HMCN2: variants seen among roughly 807,000 people sequenced by gnomAD.
HMCN2 encodes the protein hemicentin-2.
HMCN2 carries 325 observed loss-of-function variants against 377.5 expected under a neutral mutation model. That is an observed-to-expected ratio of 0.86 (90% CI 0.79 to 0.94). HMCN2 has a LOEUF of 0.94. Ranked by LOEUF, HMCN2 falls within the 40% of genes least tolerant of loss-of-function variation. The pLI, the probability that HMCN2 is intolerant of heterozygous loss-of-function variation, is 0.00. For synonymous variants in HMCN2, 2,007 were observed against 2,046.8 expected, an observed-to-expected ratio of 0.98 and a Z score of 0.53; for missense variants, 4,543 against 4,725.3, an observed-to-expected ratio of 0.96 and a Z score of 1.13.
intron 23 of HMCN2, among the ~76,000 whole-genome samples, chr9:130,339,009 C>T (rs1838908515): frequency 6.6e-6 from 1 of 151,066 alleles, no homozygotes; most frequent in Admixed American, 6.6e-5. Context: ...GGCAGCATAG[C>T]AAGACCCCAT....
At chr9:130,310,165 G>A (rs1407283243) in intron 15 of HMCN2, 104 bp downstream of exon 15, 1 of 348,000 alleles carries the variant, frequency 2.9e-6, no homozygotes, top group African/African-American at 2.2e-5. Flanking sequence ...AGTGGCCAGT[G>A]TAGATGGCAT....
chr9:130,388,481 G>A lies in HMCN2; in HGVS notation c.9464G>A (p.Cys3155Tyr). 1.0e-6 allele frequency: 1 copy of A among 988,076 alleles called. No homozygotes were observed. Among genetic ancestry groups the A allele is most frequent in the Non-Finnish European group, 1.2e-6 (1 of 830,128 alleles). 61.2% of individuals were successfully genotyped at this position (988,076 alleles called of 1,614,324 possible). A position where few individuals can be genotyped will look rare whatever the true frequency, so the allele number is the denominator to read the frequency against. ...QVAGSPLVLT[C>Y]DVSGVPAPTV... ...GCTGGGAGCCCCCTGGTCCTGACCT[G>A]TGATGTGTCCGGGGTCCCTGCACCC... is the stretch of plus-strand genomic sequence containing the variant. Residue 3155 changes from cysteine to tyrosine, a missense_variant, in exon 62 of 98, where the codon TGT (cysteine) becomes TAT (tyrosine). Physicochemically the swap from Cys to Tyr is radical, Grantham distance 194. This residue lies in a region of HMCN2 where 736 missense variants were observed against 773.2 expected (regional missense o/e 0.95). Transcript: ENST00000683500.
intron 15 of HMCN2, among the ~76,000 whole-genome samples, chr9:130,315,545 G>C (rs1224180723): frequency 6.6e-6 from 1 of 150,756 alleles, no homozygotes; most frequent in African/African-American, 2.4e-5. Context: ...GAGGCTGGAG[G>C]CAGCAGCCAC....
intron 14 of HMCN2, among the ~76,000 whole-genome samples, chr9:130,309,161 G>T (rs187372336): frequency 1.3e-5 from 2 of 152,226 alleles, no homozygotes; most frequent in Admixed American, 1.3e-4. Context: ...TTAAAAGGGC[G>T]GTTAGAATCA....
Position 130,422,657 on chromosome 9 carries a change from G to A in HMCN2, c.13312G>A (p.Val4438Met), listed in dbSNP as rs571932457. Reference sequence around the variant, plus strand: ...TGGCGTGGCCACACTCAACACCAGCGTGATGCAGGAGGCACACTCCGGGGT... The same window carrying A: ...TGGCGTGGCCACACTCAACACCAGCATGATGCAGGAGGCACACTCCGGGGT... ...KFGVATLNTS[V>M]MQEAHSGVSS... The change falls in exon 87 of 98, where the codon GTG (valine) becomes ATG (methionine). Residue 4438 changes from valine (V) to methionine (M), a missense_variant. This residue lies in a region of HMCN2 where 1,155 missense variants were observed against 1,157.7 expected (regional missense o/e 1.00). Coordinates refer to ENST00000683500, the MANE Select transcript of HMCN2 (RefSeq NM_001291815.2). The surrounding 1 kb of genome is among the most constrained non-coding windows in gnomAD (Gnocchi z 4.2). 2.6e-5 allele frequency: 35 copies of A among 1,323,888 alleles called. No individual in the cohort carries two copies. The South Asian group carries it at 6.2e-4, about 24-fold the overall frequency. 82.0% of individuals were successfully genotyped at this position (1,323,888 alleles called of 1,614,324 possible).
chr9:130,294,341 A>G (rs1361702217), intron 4 of HMCN2, among the ~76,000 whole-genome samples: 3 of 152,204 alleles, frequency 2.0e-5, no homozygotes, highest in African/African-American at 7.2e-5. Context: ...TATTGCAAAA[A>G]TCCATCCAGC....
intron 71 of HMCN2, 56 bp from the exon 72 acceptor site, chr9:130,395,868 G>A: frequency 1.6e-6 from 2 of 1,242,320 alleles, no homozygotes; most frequent in Non-Finnish European, 2.1e-6. Flanking sequence ...GCTGCCGGGT[G>A]GCCTGACGCA....
In HMCN2 at chr9:130,296,799, A is replaced by C. The variant is rs782304586; in HGVS notation, c.1012+5A>C. On this transcript the variant is annotated splice_donor_5th_base_variant and intron_variant, in intron 7 of 97. Transcript: ENST00000683500. ...CCCTCGAGTGGCCCTTGCAAGGTAC[A>C]GTACCCCGACCCTACAGACAGTGCT... 1.1e-5 allele frequency: 5 copies of C among 471,112 alleles called. No homozygotes were observed. Among genetic ancestry groups the C allele is most frequent in the South Asian group, 7.7e-5 (5 of 64,556 alleles). The allele number at this position is 471,112 out of a possible 1,614,324, so 29.2% of individuals were successfully genotyped here.
At chr9:130,344,358 ATGTGGTG>A (rs1170898838) in intron 25 of HMCN2, among the ~76,000 whole-genome samples, 5 of 148,694 alleles carry the variant, frequency 3.4e-5, no homozygotes, top group Non-Finnish European at 7.5e-5. Context: ...TGTATGTAGT[ATGTGGTG>A]TGTGTGTGTG....
chr9:130,353,102 G>A lies in HMCN2; in HGVS notation c.4761G>A (p.Gln1587=). Residue 1587 remains glutamine, a synonymous_variant, in exon 31 of 98, where the codon CAG becomes CAA. Transcript: ENST00000683500. ...TKVVYTRGGR[Q]LQLGRAQSSD... ...TGGTCTACACTAGGGGCGGTCGGCA[G>A]TTGCAGCTGGGGAGGGCCCAGAGCT... 2 of 1,304,272 alleles carry A rather than the reference G, an allele frequency of 1.5e-6. No individual in the cohort carries two copies. Among genetic ancestry groups the A allele is most frequent in the South Asian group, 1.2e-5 (1 of 81,018 alleles). The allele number at this position is 1,304,272 out of a possible 1,614,324, so 80.8% of individuals were successfully genotyped here. A position where few individuals can be genotyped will look rare whatever the true frequency, so the allele number is the denominator to read the frequency against.
rs1033624528 is a variant in HMCN2 at position 130,353,098 on chromosome 9, G to T, written c.4757G>T (p.Arg1586Leu). The change falls in exon 31 of 98, where the codon CGG becomes CTG. Residue 1586 changes from arginine (R) to leucine (L), a missense_variant. By Grantham distance (102) the Arg-to-Leu change is moderately radical (BLOSUM62 -2). Transcript: ENST00000683500. The stretch of plus-strand genomic sequence containing the variant: ...AAGGTGGTCTACACTAGGGGCGGTC[G>T]GCAGTTGCAGCTGGGGAGGGCCCAG... Reference protein sequence around the residue: ...STKVVYTRGGRQLQLGRAQSS... With the variant: ...STKVVYTRGGLQLQLGRAQSS... 36 of 1,304,120 alleles carry T rather than the reference G, an allele frequency of 2.8e-5. No individual in the cohort carries two copies. The Admixed American group carries it at 8.3e-4, about 30-fold the overall frequency. The allele number at this position is 1,304,120 out of a possible 1,614,324, so 80.8% of individuals were successfully genotyped here. A position where few individuals can be genotyped will look rare whatever the true frequency, so the allele number is the denominator to read the frequency against.
Position 130,299,042 on chromosome 9 carries a change from G to T in HMCN2, c.1030G>T (p.Val344Leu). 2.1e-6 allele frequency: 1 copy of T among 470,440 alleles called. No individual in the cohort carries two copies. Among genetic ancestry groups the T allele is most frequent in the South Asian group, 1.5e-5 (1 of 64,530 alleles). The allele number at this position is 470,440 out of a possible 1,614,324, so 29.1% of individuals were successfully genotyped here. A position where few individuals can be genotyped will look rare whatever the true frequency, so the allele number is the denominator to read the frequency against. Residue 344 changes from valine (V) to leucine (L), a missense_variant, in exon 8 of 98, where the codon GTG becomes TTG. Physicochemically the swap from Val to Leu is conservative, Grantham distance 32. Around this residue, in one of 5 missense-constraint regions of HMCN2, gnomAD observed 547 missense variants for 189.9 expected, o/e 2.88. Coordinates refer to ENST00000683500, the MANE Select transcript of HMCN2 (RefSeq NM_001291815.2). ...WPLQGVPISL[V>L]INSTGLKAPG... The stretch of plus-strand genomic sequence containing the variant: ...CTCTGCAGGAGTCCCCATCTCCCTG[G>T]TGATCAATTCCACGGGCCTGAAGGC...
chr9:130,375,698 C>T lies in HMCN2; in HGVS notation c.7766C>T (p.Ala2589Val), dbSNP rs989976807. Residue 2589 changes from alanine to valine, a missense_variant, in exon 50 of 98, where the codon GCC (alanine) becomes GTC (valine). By Grantham distance (64) the Ala-to-Val change is moderately conservative. Transcript: ENST00000683500. ...AACATCACCTGGATGAAGGACGGGGCCCCGTTTGAGGCCTCCAGGAACATC... is the reference window on the plus strand; with the variant it reads ...AACATCACCTGGATGAAGGACGGGGTCCCGTTTGAGGCCTCCAGGAACATC... ...SPNITWMKDG[A>V]PFEASRNIQL... is the part of the protein sequence containing the mutation. The T allele has an allele frequency of 3.0e-6, 3 of 985,926 alleles. No homozygotes were observed. The highest frequency in any genetic ancestry group is 1.1e-4 in the East Asian group (1 of 8,816). The allele number at this position is 985,926 out of a possible 1,614,324, so 61.1% of individuals were successfully genotyped here.
Position 130,382,762 on chromosome 9 carries a change from C to G in HMCN2, c.8629C>G (p.Pro2877Ala). The G allele has an allele frequency of 1.0e-6, 1 of 985,976 alleles. No homozygotes were observed. 61.1% of individuals were successfully genotyped at this position (985,976 alleles called of 1,614,324 possible). A position where few individuals can be genotyped will look rare whatever the true frequency, so the allele number is the denominator to read the frequency against. The change falls in exon 56 of 98, where the codon CCG (proline) becomes GCG (alanine). Residue 2877 changes from proline to alanine, a missense_variant. Pro to Ala is a conservative substitution (Grantham distance 27). Around this residue, in one of 5 missense-constraint regions of HMCN2, gnomAD observed 736 missense variants for 773.2 expected, o/e 0.95. Coordinates refer to ENST00000683500, the MANE Select transcript of HMCN2 (RefSeq NM_001291815.2). ...NASSTVSLQC[P>A]ALGNPVPTIS... ...CAGCAGCACCGTCAGCCTGCAGTGC[C>G]CGGCCCTGGGAAACCCCGTGCCCAC...
At chr9:130,302,049 CTT>C (rs60456645) in intron 8 of HMCN2, among the ~76,000 whole-genome samples, 1 of 147,450 alleles carries the variant, frequency 6.8e-6, no homozygotes. Flanking sequence ...TCTAGCTGTG[CTT>C]TTTTTTTTGA....
In HMCN2 at chr9:130,356,113, G is replaced by T. The variant is rs11244313; in HGVS notation, c.5281G>T (p.Glu1761Ter). ...IQWLQNGRPA[E>*]ELAGVQVASQ... ...GTGGCTGCAGAATGGCCGCCCAGCC[G>T]AGGAGCTGGCTGGGGTGCAGGTGGC... is the stretch of plus-strand genomic sequence containing the variant. Residue 1761 changes from glutamate to a stop codon, truncating the protein, a stop_gained, in exon 34 of 98, where the codon GAG becomes TAG. Transcript: ENST00000683500. LOFTEE classifies it high-confidence loss of function. 4 of 1,296,278 alleles carry T rather than the reference G, an allele frequency of 3.1e-6. No homozygotes were observed. Among genetic ancestry groups the T allele is most frequent in the Non-Finnish European group, 4.1e-6 (4 of 986,898 alleles). 80.3% of individuals were successfully genotyped at this position (1,296,278 alleles called of 1,614,324 possible).
chr9:130,431,341 C>T lies in HMCN2; in HGVS notation c.14648-26C>T, dbSNP rs1201439251. The stretch of plus-strand genomic sequence containing the variant: ...GCGTCTCTCTGCCCCCATCCCCCAC[C>T]TGCCCCACCCCCATGCCCGGGCCAG... On this transcript the variant is annotated intron_variant, in intron 95 of 97. Coordinates refer to ENST00000683500, the MANE Select transcript of HMCN2 (RefSeq NM_001291815.2). 3 of 1,545,490 alleles carry T rather than the reference C, an allele frequency of 1.9e-6. No individual in the cohort carries two copies. In the African/African-American group the frequency reaches 4.1e-5, roughly 21 times the overall value.
intron 53 of HMCN2, among the ~76,000 whole-genome samples, chr9:130,378,028 T>C (rs953198894): frequency 1.3e-5 from 2 of 152,100 alleles, no homozygotes; most frequent in Non-Finnish European, 2.9e-5. Context: ...AATTGAGTGG[T>C]GGAGCCTGGA....
chr9:130,401,333 A>AT (rs923364955), intron 77 of HMCN2, among the ~76,000 whole-genome samples: 13 of 152,126 alleles, frequency 8.5e-5, no homozygotes, highest in African/African-American at 2.7e-4. Context: ...GTACATGGTG[A>AT]TTTTTTTTAA....
Sources: gnomAD v4.1 joint callset for allele counts (sites outside exome capture counted in the v4.1 genomes callset) on GRCh38, gnomAD v4.1.1 for gene constraint, gnomAD v4.1.1 regional missense constraint, Gnocchi (gnomAD v3.1) non-coding constraint, MANE v1.5 for transcripts, NCBI Gene and HGNC (gene_info 2026-07-23, HGNC 2026-07-21) for gene names.